Variants in KLHL7 observed in about 807,000 individuals in gnomAD.
The protein encoded by KLHL7 is kelch-like protein 7.
In KLHL7, 44 loss-of-function variants were observed where a neutral mutation model predicts 67.4. That is an observed-to-expected ratio of 0.65 (90% CI 0.51 to 0.84). KLHL7 has a LOEUF of 0.84. KLHL7 is among the 40% of genes least tolerant of loss of function. The pLI, the probability that KLHL7 is intolerant of heterozygous loss-of-function variation, is 0.00. For synonymous variants in KLHL7, 252 were observed against 243.3 expected, an observed-to-expected ratio of 1.04 and a Z score of -0.33; for missense variants, 362 against 718.1, an observed-to-expected ratio of 0.50 and a Z score of 5.67.
Position 23,165,740 on chromosome 7 carries a change from A to C in KLHL7, c.979A>C (p.Arg327=). ...CATCCGCTGCCCCTTTGAAAAACGAAGAGATGCAGCATGCGTGTTTTGGGA... is the reference window on the plus strand; with the variant it reads ...CATCCGCTGCCCCTTTGAAAAACGACGAGATGCAGCATGCGTGTTTTGGGA... ...TDIRCPFEKR[R]DAACVFWDNV... is the part of the protein sequence containing the mutation. Residue 327 remains arginine (R), a synonymous_variant, in exon 8 of 11, where the codon AGA becomes CGA. Transcript: ENST00000339077. 1.2e-6 allele frequency: 2 copies of C among 1,613,960 alleles called. No homozygotes were observed. The highest frequency in any genetic ancestry group is 1.7e-6 in the Non-Finnish European group (2 of 1,179,798).
chr7:23,117,365 T>G (rs944273299), intron 1 of KLHL7, among the ~76,000 whole-genome samples: 2 of 152,008 alleles, frequency 1.3e-5, no homozygotes, highest in African/African-American at 4.8e-5. Context: ...GATCCAGGCC[T>G]TTCTGAGAGA....
intron 4 of KLHL7, among the ~76,000 whole-genome samples, chr7:23,137,667 CAG>C (rs1381800316): frequency 1.3e-5 from 2 of 151,084 alleles, no homozygotes; most frequent in Non-Finnish European, 3.0e-5. Context: ...TTGGTAAAGA[CAG>C]GGTTTCACCA....
At chr7:23,163,473 G>A (rs554435650) in intron 7 of KLHL7, among the ~76,000 whole-genome samples, 2 of 152,212 alleles carry the variant, frequency 1.3e-5, no homozygotes, top group East Asian at 1.9e-4. Flanking sequence ...CATCCGGCCC[G>A]AAGCTTTTAC....
At position 23,175,211 on chromosome 7, in the gene KLHL7, T is replaced by C. The variant is rs886062220; in HGVS notation, c.*913T>C. 1 of 453,982 alleles carries C rather than the reference T, an allele frequency of 2.2e-6. No individual in the cohort carries two copies. Among genetic ancestry groups the C allele is most frequent in the African/African-American group, 2.0e-5 (1 of 50,018 alleles). The allele number at this position is 453,982 out of a possible 1,614,324, so 28.1% of individuals were successfully genotyped here. A position where few individuals can be genotyped will look rare whatever the true frequency, so the allele number is the denominator to read the frequency against. On this transcript the variant is annotated 3_prime_UTR_variant, in exon 11 of 11. Coordinates refer to ENST00000339077, the MANE Select transcript of KLHL7 (RefSeq NM_001031710.3). ...TAGCCAAAACATGAAATATTTAACC[T>C]AGTTGTCTCTAAAAGTTTTGTAATC...
Position 23,173,995 on chromosome 7 carries a change from C to G in KLHL7, c.1478-20C>G, listed in dbSNP as rs533281214. On this transcript the variant is annotated intron_variant, in intron 10 of 10. Transcript: ENST00000339077. ...TGTTGATATAGTTTTTCATGTTGTT[C>G]ATGTTTTATTCTTTTGAAGGTGGTC... 6.2e-7 allele frequency: 1 copy of G among 1,610,652 alleles called. No homozygotes were observed. Among genetic ancestry groups the G allele is most frequent in the East Asian group, 2.2e-5 (1 of 44,858 alleles).
At chr7:23,116,359 A>G (rs1048032813) in intron 1 of KLHL7, among the ~76,000 whole-genome samples, 2 of 152,168 alleles carry the variant, frequency 1.3e-5, no homozygotes, top group African/African-American at 4.8e-5. Context: ...CAGTATTTGA[A>G]ATTTCTAGGC....
Position 23,176,843 on chromosome 7 carries a change from G to T in KLHL7, c.*2545G>T, listed in dbSNP as rs1260593285. The T allele has an allele frequency of 6.6e-6, 1 of 152,074 alleles. No homozygotes were observed. Among genetic ancestry groups the T allele is most frequent in the Admixed American group, 6.6e-5 (1 of 15,236 alleles). 9.4% of individuals were successfully genotyped at this position (152,074 alleles called of 1,614,324 possible). ...ACAAAAATTAGCCAGGTATGGTGGT[G>T]TGCACCTGTAGTCCCAGCTACTCAG... On this transcript the variant is annotated 3_prime_UTR_variant, in exon 11 of 11. Coordinates refer to ENST00000339077, the MANE Select transcript of KLHL7 (RefSeq NM_001031710.3).
chr7:23,117,080 C>CCTTTTTTTT, intron 1 of KLHL7, among the ~76,000 whole-genome samples: 1 of 86,424 alleles, frequency 1.2e-5, no homozygotes, highest in African/African-American at 4.6e-5. Flanking sequence ...TAGAGCCAGG[C>CCTTTTTTTT]CTTTTTTTTT....
At chr7:23,145,578 A>G (rs1784330445) in intron 6 of KLHL7, among the ~76,000 whole-genome samples, 1 of 152,242 alleles carries the variant, frequency 6.6e-6, no homozygotes, top group African/African-American at 2.4e-5. Context: ...AAACTGTAGC[A>G]TAATCAGAGT....
intron 7 of KLHL7, among the ~76,000 whole-genome samples, chr7:23,161,848 A>G (rs577312180): frequency 1.3e-5 from 2 of 152,366 alleles, no homozygotes; most frequent in South Asian, 2.1e-4. Flanking sequence ...CTATCACTCA[A>G]TGAAAACATT....
intron 1 of KLHL7, chr7:23,106,812 C>T (rs2128455002): frequency 8.1e-6 from 8 of 983,918 alleles, no homozygotes; most frequent in Non-Finnish European, 9.6e-6. Context: ...ATGAAAAGAA[C>T]GGATTTTAAC....
intron 4 of KLHL7, among the ~76,000 whole-genome samples, chr7:23,140,361 T>C (rs1482566868): frequency 6.6e-6 from 1 of 152,170 alleles, no homozygotes; most frequent in Non-Finnish European, 1.5e-5. Flanking sequence ...GAGACCATCC[T>C]GGCTAACACG....
chr7:23,139,251 A>T (rs878897622), intron 4 of KLHL7, among the ~76,000 whole-genome samples: 24 of 152,240 alleles, frequency 1.6e-4, no homozygotes, highest in Non-Finnish European at 2.1e-4. Flanking sequence ...TTTTAAAAAT[A>T]ATAATGCTTT....
Position 23,173,756 on chromosome 7 carries a change from T to C in KLHL7, c.1478-259T>C, listed in dbSNP as rs553959710. On this transcript the variant is annotated intron_variant, in intron 10 of 10. Transcript: ENST00000339077. ...ATCACCGATTGGTTTATTTTGCATT[T>C]TTCCAGAATAGATAAAACATGTTTA... Among the ~76,000 whole-genome samples the C allele has an allele frequency of 5.9e-5, 9 of 152,316 alleles. 1 individual carries two copies. In the South Asian group the frequency reaches 1.4e-3, roughly 25 times the overall value.
chr7:23,138,228 C>T (rs539358711), intron 4 of KLHL7, among the ~76,000 whole-genome samples: 1 of 150,712 alleles, frequency 6.6e-6, no homozygotes, highest in Non-Finnish European at 1.5e-5. Flanking sequence ...CTTTGGAAGG[C>T]CAAGGCGGGT....
chr7:23,122,446 C>T (rs1194781735), intron 1 of KLHL7, among the ~76,000 whole-genome samples: 3 of 152,056 alleles, frequency 2.0e-5, no homozygotes, highest in Admixed American at 6.5e-5. Context: ...GGTTATGCTA[C>T]TTGGTATTTT....
In KLHL7 at chr7:23,124,720, G is replaced by C. The variant is rs1783499011; in HGVS notation, c.256G>C (p.Glu86Gln). Residue 86 changes from glutamate (E) to glutamine (Q), a missense_variant, in exon 3 of 11, where the codon GAA (glutamate) becomes CAA (glutamine). Transcript: ENST00000339077. ...NMLESKSFEV[E>Q]LKDAEPDIIE... ...GCTTGAATCAAAGTCCTTTGAAGTAGAACTCAAAGATGCTGAACCTGATAT... is the reference window on the plus strand; with the variant it reads ...GCTTGAATCAAAGTCCTTTGAAGTACAACTCAAAGATGCTGAACCTGATAT... 7 of 1,611,344 alleles carry C rather than the reference G, an allele frequency of 4.3e-6. No individual in the cohort carries two copies. Among genetic ancestry groups the C allele is most frequent in the Non-Finnish European group, 5.9e-6 (7 of 1,177,574 alleles).
At chr7:23,122,676 A>T (rs1783400997) in intron 1 of KLHL7, among the ~76,000 whole-genome samples, 1 of 152,170 alleles carries the variant, frequency 6.6e-6, no homozygotes, top group Admixed American at 6.5e-5. Context: ...CTGCTATTTG[A>T]GGCTTATTTT....
At position 23,143,780 on chromosome 7, in the gene KLHL7, G is replaced by T. The variant is rs758292643; in HGVS notation, c.619-71G>T. On this transcript the variant is annotated intron_variant, in intron 5 of 10. Transcript: ENST00000339077. ...TTATGAGGTTCTCTCCCTTCAATAT[G>T]AGAGTAAACATAGGTAATTGGAAAT... is the stretch of plus-strand genomic sequence containing the variant. 4.9e-5 allele frequency: 71 copies of T among 1,441,902 alleles called. 1 individual carries two copies. The Admixed American group carries it at 1.1e-3, about 23-fold the overall frequency. The allele number at this position is 1,441,902 out of a possible 1,614,324, so 89.3% of individuals were successfully genotyped here. A position where few individuals can be genotyped will look rare whatever the true frequency, so the allele number is the denominator to read the frequency against.
Sources: allele counts gnomAD v4.1 joint callset (sites outside exome capture counted in the v4.1 genomes callset), GRCh38; gene constraint gnomAD v4.1.1; transcripts MANE v1.5; gene names NCBI Gene and HGNC (gene_info 2026-07-23, HGNC 2026-07-21).